C20orf204: variants seen among roughly 807,000 people sequenced by gnomAD.
C20orf204 encodes uncharacterized protein C20orf204.
Under a neutral mutation model 3.6 loss-of-function variants are expected in C20orf204, and 6 were observed. The observed-to-expected ratio is 1.68, with a 90% CI of 0.92 to 3.31. C20orf204 has a LOEUF of 3.31. Among genes scored for constraint, C20orf204 ranks in the 30% most tolerant of loss-of-function variants. The pLI is 0.00. For missense variants in C20orf204, 167 were observed against 89.7 expected, an observed-to-expected ratio of 1.86 and a Z score of -3.48; for synonymous variants, 80 against 41.4, an observed-to-expected ratio of 1.93 and a Z score of -3.58.
upstream of C20orf204, chr20:64,035,218 G>T (rs1036690218): frequency 6.6e-6 from 1 of 152,268 alleles, no homozygotes; most frequent in Admixed American, 6.5e-5. Context: ...ATTTACACAA[G>T]GCTGGCAGGC....
intron 1 of C20orf204, 33 bp from the exon 2 acceptor site, chr20:64,037,894 C>A: frequency 2.4e-6 from 1 of 422,042 alleles, no homozygotes. Flanking sequence ...GGAACACCCC[C>A]CAGGCCTAAC....
At position 64,038,386 on chromosome 20, in the gene C20orf204, G is replaced by A; in HGVS notation, c.370G>A (p.Ala124Thr). ...CCGCCGCGGGGCCCTGGAGAGAGCT[G>A]CTTGGACCGTGGCTGTGCGCACCGA... ...GGRRGALERA[A>T]WTVAVRTEAV... The change falls in exon 3 of 4, where the codon GCT becomes ACT. Residue 124 changes from alanine (A) to threonine (T), a missense_variant. Transcript: ENST00000636176. The A allele has an allele frequency of 1.3e-6, 1 of 771,238 alleles. No homozygotes were observed. Among genetic ancestry groups the A allele is most frequent in the Non-Finnish European group, 2.4e-6 (1 of 415,126 alleles). 47.8% of individuals were successfully genotyped at this position (771,238 alleles called of 1,614,324 possible). A position where few individuals can be genotyped will look rare whatever the true frequency, so the allele number is the denominator to read the frequency against.
At chr20:64,036,080 AG>A (rs2059336744), upstream of C20orf204, 1 of 152,242 alleles carries the variant, frequency 6.6e-6, no homozygotes, top group Non-Finnish European at 1.5e-5. Context: ...GGAGAGAGGG[AG>A]GGGGCAGGGC....
At chr20:64,034,113 A>G (rs893703681), upstream of C20orf204, among the ~76,000 whole-genome samples, 1 of 152,002 alleles carries the variant, frequency 6.6e-6, no homozygotes, top group Non-Finnish European at 1.5e-5. Flanking sequence ...GCGGGCGGGG[A>G]GGAGGGCGCT....
chr20:64,038,601 T>A (rs1231460101), intron 3 of C20orf204, 21 bp from the exon 4 acceptor site: 1 of 528,010 alleles, frequency 1.9e-6, no homozygotes, highest in East Asian at 3.5e-5. Flanking sequence ...GCGCATTCGC[T>A]GACCGCCCTG....
upstream of C20orf204, among the ~76,000 whole-genome samples, chr20:64,033,913 G>A (rs188003765): frequency 1.5e-3 from 236 of 152,370 alleles, 3 homozygotes; most frequent in Non-Finnish European, 3.2e-4. Context: ...TAGGTTGAAC[G>A]TTGATCACCC....
At position 64,038,061 on chromosome 20, in the gene C20orf204, G is replaced by C. The variant is rs1022033898; in HGVS notation, c.138G>C (p.Gln46His). ...HYRAIIFEDL[Q>H]AAVKWGGAGA... Reference sequence around the variant, plus strand: ...GCGCCATCATCTTCGAGGATCTGCAGGCCGCCGTGAAGTGGGGCGGGGCGG... The same window carrying C: ...GCGCCATCATCTTCGAGGATCTGCACGCCGCCGTGAAGTGGGGCGGGGCGG... The change falls in exon 2 of 4, where the codon CAG becomes CAC. Residue 46 changes from glutamine to histidine, a missense_variant. Physicochemically the swap from Gln to His is conservative, Grantham distance 24 (BLOSUM62 0). Coordinates refer to ENST00000636176, the MANE Select transcript of C20orf204 (RefSeq NM_001387010.1). 2.9e-5 allele frequency: 15 copies of C among 521,964 alleles called. No homozygotes were observed. The highest frequency in any genetic ancestry group is 2.8e-4 in the African/African-American group (14 of 49,382). 32.3% of individuals were successfully genotyped at this position (521,964 alleles called of 1,614,324 possible). A position where few individuals can be genotyped will look rare whatever the true frequency, so the allele number is the denominator to read the frequency against.
At chr20:64,035,212 A>C (rs2059333738), upstream of C20orf204, 3 of 152,342 alleles carry the variant, frequency 2.0e-5, no homozygotes, top group African/African-American at 4.8e-5. Flanking sequence ...GAGTGCATTT[A>C]CACAAGGCTG....
chr20:64,038,107 G>T lies in C20orf204; in HGVS notation c.184G>T (p.Gly62Cys). ...GGCGGGGGCCGAAAAGACCAGGCCA[G>T]GCTCCAGACACTTTCATTTCATACA... ...GGAGAEKTRP[G>C]SRHFHFIQKN... The change falls in exon 2 of 4, where the codon GGC becomes TGC. Residue 62 changes from glycine to cysteine, a missense_variant. Transcript: ENST00000636176. 1.9e-6 allele frequency: 1 copy of T among 523,368 alleles called. No individual in the cohort carries two copies. 32.4% of individuals were successfully genotyped at this position (523,368 alleles called of 1,614,324 possible).
chr20:64,034,849 A>T (rs1005222944), upstream of C20orf204: 5 of 152,360 alleles, frequency 3.3e-5, 1 homozygote, highest in Admixed American at 1.3e-4. Context: ...AGATGTGGAA[A>T]CCGAGGCCCA....
upstream of C20orf204, chr20:64,035,106 C>CT (rs1305878179): frequency 2.0e-5 from 3 of 152,266 alleles, no homozygotes; most frequent in Admixed American, 6.5e-5. Context: ...TTCTCAAATG[C>CT]TTTGAGTTGG....
At chr20:64,034,595 T>G (rs1441970603), upstream of C20orf204, 1 of 152,238 alleles carries the variant, frequency 6.6e-6, no homozygotes, top group Non-Finnish European at 1.5e-5. Flanking sequence ...GCTTCATGAG[T>G]GTTTTCACTG....
intron 1 of C20orf204, 187 bp downstream of exon 1, chr20:64,036,513 G>C (rs2059338094): frequency 6.5e-6 from 1 of 152,734 alleles, no homozygotes; most frequent in African/African-American, 2.4e-5. Context: ...GTTGGGGGAG[G>C]GGGGCTCCTG....
At chr20:64,037,646 G>T in intron 1 of C20orf204, 1 of 342,600 alleles carries the variant, frequency 2.9e-6, no homozygotes, top group Non-Finnish European at 5.2e-6. Context: ...AGGACTCAGT[G>T]ACATCGCCTC....
rs949284544 is a variant in C20orf204, at chr20:64,038,937, G to T, written c.*178G>T. On this transcript the variant is annotated 3_prime_UTR_variant, in exon 4 of 4. Transcript: ENST00000636176. Reference sequence around the variant, plus strand: ...GCGCGCCTGGCCGCCGCTGGGTCACGGAGGAGGCCCGCCCTCCACGCGCCG... The same window carrying T: ...GCGCGCCTGGCCGCCGCTGGGTCACTGAGGAGGCCCGCCCTCCACGCGCCG... 10 of 726,278 alleles carry T rather than the reference G, an allele frequency of 1.4e-5. No individual in the cohort carries two copies. In the Admixed American group the frequency reaches 1.9e-4, roughly 14 times the overall value. The allele number at this position is 726,278 out of a possible 1,614,324, so 45.0% of individuals were successfully genotyped here.
At position 64,037,945 on chromosome 20, in the gene C20orf204, C is replaced by G; in HGVS notation, c.22C>G (p.Leu8Val). ...CCTCCAGGTACCCCCTAAGCCTGCA[C>G]TCTGGGCGCTCCTGCTGGCGCTGCT... MVPPKPA[L>V]WALLLALLGT... Residue 8 changes from leucine to valine, a missense_variant, in exon 2 of 4, where the codon CTC (leucine) becomes GTC (valine). By Grantham distance (32) the Leu-to-Val change is conservative. Transcript: ENST00000636176. 1 of 490,454 alleles carries G rather than the reference C, an allele frequency of 2.0e-6. No homozygotes were observed. The highest frequency in any genetic ancestry group is 3.6e-6 in the Non-Finnish European group (1 of 279,804). The allele number at this position is 490,454 out of a possible 1,614,324, so 30.4% of individuals were successfully genotyped here.
upstream of C20orf204, chr20:64,035,647 A>T (rs1323056867): frequency 6.6e-6 from 1 of 152,268 alleles, no homozygotes; most frequent in Non-Finnish European, 1.5e-5. Flanking sequence ...CAGCAGAGTA[A>T]CAGCCTCAGA....
Position 64,038,456 on chromosome 20 carries a change from T to C in C20orf204, c.432+8T>C. 1.3e-6 allele frequency: 1 copy of C among 749,484 alleles called. No individual in the cohort carries two copies. Among genetic ancestry groups the C allele is most frequent in the Non-Finnish European group, 2.5e-6 (1 of 406,284 alleles). 46.4% of individuals were successfully genotyped at this position (749,484 alleles called of 1,614,324 possible). Reference sequence around the variant, plus strand: ...TGCAGGACGCTGCGCCAGGTGTGCGTCCCTGAGTGCACCCAGAGCCAGACC... The same window carrying C: ...TGCAGGACGCTGCGCCAGGTGTGCGCCCCTGAGTGCACCCAGAGCCAGACC... On this transcript the variant is annotated splice_region_variant and intron_variant, in intron 3 of 3. Transcript: ENST00000636176.
chr20:64,038,232 G>A, intron 2 of C20orf204, 30 bp downstream of exon 2: 1 of 730,292 alleles, frequency 1.4e-6, no homozygotes, highest in East Asian at 2.7e-5. Flanking sequence ...ACCCAAGCTC[G>A]CCGGCCTGCT....
Sources: allele counts gnomAD v4.1 joint callset (sites outside exome capture counted in the v4.1 genomes callset), GRCh38; gene constraint gnomAD v4.1.1; transcripts MANE v1.5; gene names NCBI Gene and HGNC (gene_info 2026-07-23, HGNC 2026-07-21).